Variants in ZNF713 observed in about 807,000 individuals in gnomAD.
ZNF713 encodes the protein zinc finger protein 713.
ZNF713 carries 21 observed loss-of-function variants against 28.7 expected under a neutral mutation model. The observed-to-expected ratio is 0.73, with a 90% CI of 0.52 to 1.05. The LOEUF (loss-of-function observed/expected upper bound fraction) is 1.05. ZNF713 is among the 50% of genes least tolerant of loss of function. The pLI is 0.00. For missense variants in ZNF713, 458 were observed against 532.4 expected (o/e 0.86, Z 1.37); for synonymous variants, 167 against 178.0 (o/e 0.94, Z 0.49).
chr7:55,937,581 G>GT (rs1203832049), intron 6 of ZNF713, among the ~76,000 whole-genome samples: 2 of 152,112 alleles, frequency 1.3e-5, no homozygotes, highest in African/African-American at 4.8e-5. Context: ...TTGTGACAAT[G>GT]TAACAGTAGG....
chr7:55,888,026 A>G (rs1222821728), intron 1 of ZNF713, among the ~76,000 whole-genome samples: 4 of 152,000 alleles, frequency 2.6e-5, no homozygotes, highest in South Asian at 4.1e-4. Context: ...CCAATATTAT[A>G]AACACATTGT....
chr7:55,908,990 G>A (rs994491126), intron 2 of ZNF713, among the ~76,000 whole-genome samples: 1 of 151,904 alleles, frequency 6.6e-6, no homozygotes, highest in Non-Finnish European at 1.5e-5. Context: ...GAGGTCAGGA[G>A]ATCGAGACCA....
At chr7:55,897,333 G>T (rs1006987408) in intron 1 of ZNF713, among the ~76,000 whole-genome samples, 11 of 151,538 alleles carry the variant, frequency 7.3e-5, no homozygotes, top group Non-Finnish European at 1.5e-4. Flanking sequence ...TCGCTGGAGT[G>T]CAGTGGCATG....
chr7:55,919,496 T>TTTGTTTTTTTTTTG (rs1562743521), intron 4 of ZNF713, among the ~76,000 whole-genome samples: 2 of 31,514 alleles, frequency 6.3e-5, no homozygotes, highest in Non-Finnish European at 1.0e-4. Flanking sequence ...TCCAGTTTTT[T>TTTGTTTTTTTTTTG]TTTTTTTTTT....
chr7:55,937,925 C>T (rs1173109618), intron 6 of ZNF713, among the ~76,000 whole-genome samples: 2 of 149,836 alleles, frequency 1.3e-5, no homozygotes, highest in Non-Finnish European at 1.5e-5. Flanking sequence ...ATTAAGAGGC[C>T]GGGCACGGTG....
At chr7:55,889,171 C>T (rs1049229904) in intron 1 of ZNF713, among the ~76,000 whole-genome samples, 3 of 150,802 alleles carry the variant, frequency 2.0e-5, no homozygotes, top group South Asian at 2.1e-4. Context: ...GTGTGATCTC[C>T]GCTCACCGCA....
chr7:55,929,998 A>G (rs1178381871), intron 6 of ZNF713, among the ~76,000 whole-genome samples: 1 of 152,184 alleles, frequency 6.6e-6, no homozygotes, highest in East Asian at 1.9e-4. Flanking sequence ...AGAGCTGATC[A>G]TCCATGAATA....
intron 1 of ZNF713, among the ~76,000 whole-genome samples, chr7:55,900,999 T>C (rs367999897): frequency 3.0e-4 from 46 of 152,338 alleles, no homozygotes; most frequent in African/African-American, 1.1e-3. Context: ...TCAAAATTAC[T>C]AAAAGAGTAG....
intron 2 of ZNF713, among the ~76,000 whole-genome samples, chr7:55,909,359 C>T (rs573253479): frequency 6.6e-6 from 1 of 152,226 alleles, no homozygotes. Flanking sequence ...AGTGGCTTTA[C>T]TCATATATGG....
chr7:55,940,344 G>A lies in ZNF713; in HGVS notation c.*338G>A, dbSNP rs181697499. ...TCACCATGTTGGCCAGGCTGGTCTC[G>A]AACTCCTAACCTCAGGTGATCCGCC... On this transcript the variant is annotated 3_prime_UTR_variant, in exon 7 of 7. Coordinates refer to ENST00000429591, the MANE Select transcript of ZNF713 (RefSeq NM_182633.3). 7.1e-5 allele frequency: 49 copies of A among 689,838 alleles called. No homozygotes were observed. In the East Asian group the frequency reaches 2.2e-3, roughly 31 times the overall value. 42.7% of individuals were successfully genotyped at this position (689,838 alleles called of 1,614,324 possible).
At chr7:55,930,355 C>T (rs1278827779) in intron 6 of ZNF713, among the ~76,000 whole-genome samples, 2 of 152,170 alleles carry the variant, frequency 1.3e-5, no homozygotes, top group African/African-American at 4.8e-5. Flanking sequence ...TTACTGGGAT[C>T]AGGTGAACTG....
intron 1 of ZNF713, among the ~76,000 whole-genome samples, chr7:55,897,453 CT>C (rs998679116): frequency 1.1e-4 from 17 of 150,382 alleles, no homozygotes; most frequent in African/African-American, 3.9e-4. Flanking sequence ...CTAATTTTTT[CT>C]TTTTTTTTCA....
intron 1 of ZNF713, among the ~76,000 whole-genome samples, chr7:55,896,386 A>G (rs923269303): frequency 6.6e-6 from 1 of 152,176 alleles, no homozygotes; most frequent in Non-Finnish European, 1.5e-5. Context: ...GTTTCTCACA[A>G]GGGTATGAGT....
intron 1 of ZNF713, among the ~76,000 whole-genome samples, chr7:55,895,672 TAGTC>T (rs979445673): frequency 2.6e-5 from 4 of 152,036 alleles, no homozygotes; most frequent in Admixed American, 2.0e-4. Context: ...TTCTCCATGT[TAGTC>T]AGGCTGGTCT....
intron 1 of ZNF713, among the ~76,000 whole-genome samples, chr7:55,900,449 C>A (rs1785554830): frequency 6.7e-6 from 1 of 149,690 alleles, no homozygotes; most frequent in African/African-American, 2.5e-5. Flanking sequence ...GCCTGGGCAA[C>A]AGAGCGAGAC....
At chr7:55,932,510 G>A (rs973843254) in intron 6 of ZNF713, among the ~76,000 whole-genome samples, 1 of 134,958 alleles carries the variant, frequency 7.4e-6, no homozygotes, top group Non-Finnish European at 1.5e-5. Context: ...AGGTGACAAA[G>A]CAAGACCCTG....
At chr7:55,936,808 C>A (rs943699861) in intron 6 of ZNF713, among the ~76,000 whole-genome samples, 1 of 152,084 alleles carries the variant, frequency 6.6e-6, no homozygotes, top group Non-Finnish European at 1.5e-5. Context: ...AGAGATATAT[C>A]TATCTAGATT....
At position 55,940,279 on chromosome 7, in the gene ZNF713, C is replaced by T. The variant is rs1020358478; in HGVS notation, c.*273C>T. 11 of 492,208 alleles carry T rather than the reference C, an allele frequency of 2.2e-5. 1 individual carries two copies. The highest frequency in any genetic ancestry group is 9.5e-5 in the Admixed American group (2 of 20,966). 30.5% of individuals were successfully genotyped at this position (492,208 alleles called of 1,614,324 possible). On this transcript the variant is annotated 3_prime_UTR_variant, in exon 7 of 7. Coordinates refer to ENST00000429591, the MANE Select transcript of ZNF713 (RefSeq NM_182633.3). ...CTGGGACCACAGGTATGCACCACCA[C>T]GCCCAGCTAATTTTTTGTATTTTTA...
rs531681450 is a variant in ZNF713 at position 55,928,016 on chromosome 7, G to A, written c.307+4317G>A. On this transcript the variant is annotated intron_variant, in intron 6 of 6. Coordinates refer to ENST00000429591, the MANE Select transcript of ZNF713 (RefSeq NM_182633.3). Reference sequence around the variant, plus strand: ...GTATATGTCAGTAAATATGTCAGTGGAAGATTTGGGGGAGTTCACACATCA... The same window carrying A: ...GTATATGTCAGTAAATATGTCAGTGAAAGATTTGGGGGAGTTCACACATCA... 2.0e-5 allele frequency among the ~76,000 whole-genome samples: 3 copies of A among 151,482 alleles called. No homozygotes were observed. In the South Asian group the frequency reaches 6.3e-4, roughly 32 times the overall value.
Sources: gnomAD v4.1 joint callset for allele counts (sites outside exome capture counted in the v4.1 genomes callset) on GRCh38, gnomAD v4.1.1 for gene constraint, MANE v1.5 for transcripts, NCBI Gene and HGNC (gene_info 2026-07-23, HGNC 2026-07-21) for gene names.